Variants in PLXDC2 observed in about 807,000 individuals in gnomAD.
PLXDC2 encodes the protein plexin domain containing 2.
In PLXDC2, 40 loss-of-function variants were observed where a neutral mutation model predicts 68.9. The ratio of observed to expected loss-of-function variants is 0.58; its 90% confidence interval spans 0.45 to 0.76. The LOEUF (loss-of-function observed/expected upper bound fraction) is 0.76, where lower values mean the gene tolerates loss of function less well. Among genes scored for constraint, PLXDC2 ranks in the 30% least tolerant of loss-of-function variants. The pLI is 0.00. For missense variants in PLXDC2, 644 were observed against 661.9 expected, an observed-to-expected ratio of 0.97 and a Z score of 0.30; for synonymous variants, 243 against 234.2, an observed-to-expected ratio of 1.04 and a Z score of -0.34.
intron 1 of PLXDC2, among the ~76,000 whole-genome samples, chr10:19,962,492 G>A (rs111315046): frequency 0.1 from 14,384 of 142,616 alleles, 737 homozygotes; most frequent in East Asian, 0.13. Flanking sequence ...GAGGTTTCAC[G>A]CCATTCTCCC....
chr10:19,881,109 G>A (rs567322588), intron 1 of PLXDC2, among the ~76,000 whole-genome samples: 61 of 151,998 alleles, frequency 4.0e-4, no homozygotes, highest in Middle Eastern at 3.4e-3. Context: ...TTATGTGTAA[G>A]ATGCGATTTT....
At chr10:19,867,666 C>T (rs1010068933) in intron 1 of PLXDC2, among the ~76,000 whole-genome samples, 8 of 152,090 alleles carry the variant, frequency 5.3e-5, no homozygotes, top group Admixed American at 1.3e-4. Flanking sequence ...TGGCAGGCTT[C>T]TAGAGGCCAC....
At chr10:20,234,032 G>A (rs1341956827) in intron 12 of PLXDC2, among the ~76,000 whole-genome samples, 1 of 148,900 alleles carries the variant, frequency 6.7e-6, no homozygotes, top group Non-Finnish European at 1.5e-5. Flanking sequence ...TCACTATGTT[G>A]CCCAGGCTGG....
intron 1 of PLXDC2, among the ~76,000 whole-genome samples, chr10:19,980,065 C>A (rs1333017610): frequency 6.6e-6 from 1 of 152,146 alleles, no homozygotes; most frequent in Non-Finnish European, 1.5e-5. Context: ...TTTCATAGAG[C>A]CTCTGACTTC....
intron 1 of PLXDC2, among the ~76,000 whole-genome samples, chr10:19,843,447 G>C (rs981076351): frequency 6.6e-6 from 1 of 152,086 alleles, no homozygotes; most frequent in African/African-American, 2.4e-5. Flanking sequence ...GTACCACTGA[G>C]AGCTTCTGGC....
intron 1 of PLXDC2, among the ~76,000 whole-genome samples, chr10:19,978,074 C>T (rs1834488569): frequency 6.6e-6 from 1 of 152,110 alleles, no homozygotes; most frequent in Non-Finnish European, 1.5e-5. Context: ...GTATATCCAA[C>T]CTGTGAGCAA....
chr10:20,017,438 A>G (rs915642210), intron 2 of PLXDC2, among the ~76,000 whole-genome samples: 12 of 152,230 alleles, frequency 7.9e-5, no homozygotes, highest in African/African-American at 2.6e-4. Flanking sequence ...CCTGTTTCCA[A>G]GTTCCCCTGC....
chr10:20,189,047 C>G (rs1834724510), intron 9 of PLXDC2, among the ~76,000 whole-genome samples: 2 of 74,916 alleles, frequency 2.7e-5, no homozygotes, highest in South Asian at 6.3e-4. Flanking sequence ...CTTCGCTTTT[C>G]TATTAAGCTG....
chr10:19,973,338 G>A lies in PLXDC2; in HGVS notation c.113-28437G>A, dbSNP rs1004556954. On this transcript the variant is annotated intron_variant, in intron 1 of 13. Transcript: ENST00000377252. ...CATATATATGTATACATATATATGT[G>A]TATATATGTATACTCACATATATAT... 1.1e-3 allele frequency among the ~76,000 whole-genome samples: 168 copies of A among 147,434 alleles called. 1 individual carries two copies. Among genetic ancestry groups the A allele is most frequent in the African/African-American group, 4.1e-3 (164 of 40,256 alleles).
chr10:20,020,436 A>G (rs1050284266), intron 2 of PLXDC2, among the ~76,000 whole-genome samples: 10 of 152,070 alleles, frequency 6.6e-5, no homozygotes, highest in Non-Finnish European at 1.5e-4. Flanking sequence ...CCTAGACAAA[A>G]GAAGCCACTT....
intron 4 of PLXDC2, among the ~76,000 whole-genome samples, chr10:20,136,614 T>C (rs548804997): frequency 1.3e-5 from 2 of 152,330 alleles, no homozygotes; most frequent in East Asian, 3.9e-4. Flanking sequence ...CAAATCCTTA[T>C]GGATAAAAGA....
intron 1 of PLXDC2, among the ~76,000 whole-genome samples, chr10:19,940,407 G>A (rs1833798840): frequency 6.6e-6 from 1 of 151,912 alleles, no homozygotes; most frequent in African/African-American, 2.4e-5. Context: ...TCTGAATTTG[G>A]CTACAATTAA....
At chr10:20,014,315 TTTCC>T (rs1239244320) in intron 2 of PLXDC2, among the ~76,000 whole-genome samples, 1 of 119,502 alleles carries the variant, frequency 8.4e-6, no homozygotes, top group Non-Finnish European at 1.7e-5. Flanking sequence ...CTCGCCCCAC[TTTCC>T]TTCCTTCCTT....
In PLXDC2 at chr10:19,889,185, G is replaced by A. The variant is rs141573236; in HGVS notation, c.112+71994G>A. Among the ~76,000 whole-genome samples, 25 of 151,568 alleles carry A rather than the reference G, an allele frequency of 1.6e-4. 1 individual carries two copies. In the South Asian group the frequency reaches 1.9e-3, roughly 11 times the overall value. On this transcript the variant is annotated intron_variant, in intron 1 of 13. Coordinates refer to ENST00000377252, the MANE Select transcript of PLXDC2 (RefSeq NM_032812.9). ...AAAGTGCTTGATCATTTTGGGACAC[G>A]GTACATCCCAACATCCCATTTTATA...
intron 13 of PLXDC2, among the ~76,000 whole-genome samples, chr10:20,248,331 G>A (rs150695699): frequency 3.9e-5 from 6 of 152,170 alleles, no homozygotes; most frequent in South Asian, 2.1e-4. Flanking sequence ...ATGTGTATAC[G>A]TACACATGTA....
intron 3 of PLXDC2, among the ~76,000 whole-genome samples, chr10:20,051,475 G>C (rs1043983235): frequency 2.5e-4 from 36 of 143,836 alleles, no homozygotes; most frequent in African/African-American, 8.6e-4. Flanking sequence ...ATCTCAAGAT[G>C]CAATATACAC....
intron 4 of PLXDC2, among the ~76,000 whole-genome samples, chr10:20,140,761 T>C (rs976809581): frequency 3.3e-5 from 5 of 152,082 alleles, no homozygotes; most frequent in African/African-American, 1.2e-4. Context: ...CGTGAGATAT[T>C]GATATAAGTA....
chr10:19,983,595 G>A (rs180759284), intron 1 of PLXDC2, among the ~76,000 whole-genome samples: 5 of 152,194 alleles, frequency 3.3e-5, no homozygotes, highest in Non-Finnish European at 5.9e-5. Flanking sequence ...AGAAACTAAC[G>A]CCCCAGTGAG....
intron 7 of PLXDC2, among the ~76,000 whole-genome samples, chr10:20,172,593 C>A (rs568700932): frequency 6.6e-6 from 1 of 152,238 alleles, no homozygotes; most frequent in Non-Finnish European, 1.5e-5. Flanking sequence ...GGGTGTCCAT[C>A]ACCTTGAGTG....
Sources: allele counts gnomAD v4.1 joint callset (sites outside exome capture counted in the v4.1 genomes callset), GRCh38; gene constraint gnomAD v4.1.1; transcripts MANE v1.5; gene names NCBI Gene and HGNC (gene_info 2026-07-23, HGNC 2026-07-21).